PPP1R12A: variants seen among roughly 807,000 people sequenced by gnomAD.
PPP1R12A encodes protein phosphatase 1 regulatory subunit 12A.
A neutral mutation model predicts 139.6 loss-of-function variants in PPP1R12A; 19 were observed. The ratio of observed to expected loss-of-function variants is 0.14; its 90% confidence interval spans 0.09 to 0.20. PPP1R12A has a LOEUF of 0.20. Ranked by LOEUF, PPP1R12A falls within the 10% of genes least tolerant of loss-of-function variation. PPP1R12A has a pLI of 1.00. For missense variants in PPP1R12A, 925 were observed against 1,211.5 expected, an observed-to-expected ratio of 0.76 and a Z score of 3.51; for synonymous variants, 427 against 420.6, an observed-to-expected ratio of 1.02 and a Z score of -0.19.
chr12:79,812,830 G>A (rs559251985), intron 9 of PPP1R12A, among the ~76,000 whole-genome samples: 2 of 152,110 alleles, frequency 1.3e-5, no homozygotes, highest in Non-Finnish European at 2.9e-5. Context: ...AATCTCCTAT[G>A]TTTCAAACTT....
intron 1 of PPP1R12A, 23 bp from the exon 2 acceptor site, chr12:79,872,961 G>C: frequency 6.2e-7 from 1 of 1,602,240 alleles, no homozygotes. Flanking sequence ...CAGAAAGCAA[G>C]ATTGGAAAAA....
chr12:79,915,404 A>G (rs1217556105), intron 1 of PPP1R12A, among the ~76,000 whole-genome samples: 1 of 152,094 alleles, frequency 6.6e-6, no homozygotes, highest in East Asian at 1.9e-4. Flanking sequence ...AAATCTAAAA[A>G]CCTAGACACA....
At chr12:79,868,968 A>G (rs1882280977) in intron 2 of PPP1R12A, among the ~76,000 whole-genome samples, 1 of 152,242 alleles carries the variant, frequency 6.6e-6, no homozygotes, top group Non-Finnish European at 1.5e-5. Flanking sequence ...TAAGAATGAA[A>G]AAGTCAAGGC....
At chr12:79,801,945 TACTTTG>T (rs1277190870) in intron 14 of PPP1R12A, among the ~76,000 whole-genome samples, 1 of 152,232 alleles carries the variant, frequency 6.6e-6, no homozygotes, top group Non-Finnish European at 1.5e-5. Flanking sequence ...ATCACTATTA[TACTTTG>T]ACTTTAATTT....
At chr12:79,885,062 T>C (rs1883981864) in intron 1 of PPP1R12A, among the ~76,000 whole-genome samples, 1 of 152,150 alleles carries the variant, frequency 6.6e-6, no homozygotes, top group East Asian at 1.9e-4. Flanking sequence ...TTGAGTAAAC[T>C]TGCCATCACA....
intron 15 of PPP1R12A, 101 bp downstream of exon 15, chr12:79,798,393 A>G: frequency 2.8e-6 from 2 of 721,272 alleles, no homozygotes; most frequent in Non-Finnish European, 4.3e-6. Flanking sequence ...TTTTCACAAC[A>G]AAGTGAAAAA....
chr12:79,826,595 A>G (rs1876804825), intron 5 of PPP1R12A, among the ~76,000 whole-genome samples: 1 of 152,180 alleles, frequency 6.6e-6, no homozygotes, highest in South Asian at 2.1e-4. Flanking sequence ...AGGAGCTGCT[A>G]CTATAGTAAT....
rs767849266 is a variant in PPP1R12A at position 79,797,407 on chromosome 12, A to G, written c.2092-12T>C. On this transcript the variant is annotated splice_polypyrimidine_tract_variant and intron_variant, in intron 15 of 24. Transcript: ENST00000450142. ...GTTAATGTCACTCCCTGCACACACA[A>G]AAAGATCAATATAATTATGAGATGC... 6.4e-7 allele frequency: 1 copy of G among 1,567,922 alleles called. No homozygotes were observed. Among genetic ancestry groups the G allele is most frequent in the South Asian group, 1.2e-5 (1 of 81,950 alleles).
intron 1 of PPP1R12A, among the ~76,000 whole-genome samples, chr12:79,919,320 G>T (rs1887249652): frequency 1.3e-5 from 2 of 151,970 alleles, no homozygotes; most frequent in Non-Finnish European, 2.9e-5. Flanking sequence ...ACTTTGGGAA[G>T]CTGAGGCGGG....
At chr12:79,823,029 C>G (rs1876317701) in intron 5 of PPP1R12A, among the ~76,000 whole-genome samples, 1 of 152,020 alleles carries the variant, frequency 6.6e-6, no homozygotes. Flanking sequence ...TATGTTTAAG[C>G]TGTTTAACAT....
chr12:79,857,004 A>G (rs1490928355), intron 2 of PPP1R12A, among the ~76,000 whole-genome samples: 2 of 152,276 alleles, frequency 1.3e-5, no homozygotes, highest in African/African-American at 4.8e-5. Context: ...TTTGTGAATG[A>G]CATGACTTTC....
intron 1 of PPP1R12A, among the ~76,000 whole-genome samples, chr12:79,887,239 T>A (rs1884188989): frequency 6.6e-6 from 1 of 152,176 alleles, no homozygotes; most frequent in South Asian, 2.1e-4. Flanking sequence ...TGTGTATGTA[T>A]ACATAAAACT....
chr12:79,934,820 A>C lies in PPP1R12A; in HGVS notation c.112T>G (p.Phe38Val). Reference sequence around the variant, plus strand: ...GCCAGGAAGACGGCGCCATCGTCGAACTTCACCTTGGTCTTCTGGCGCTTC... The same window carrying C: ...GCCAGGAAGACGGCGCCATCGTCGACCTTCACCTTGGTCTTCTGGCGCTTC... ...VVKRQKTKVK[F>V]DDGAVFLAAC... Residue 38 changes from phenylalanine to valine, a missense_variant, in exon 1 of 25, where the codon TTC becomes GTC. Physicochemically the swap from Phe to Val is conservative, Grantham distance 50 (BLOSUM62 -1). Coordinates refer to ENST00000450142, the MANE Select transcript of PPP1R12A (RefSeq NM_002480.3). The C allele has an allele frequency of 6.2e-7, 1 of 1,607,466 alleles. No individual in the cohort carries two copies. The highest frequency in any genetic ancestry group is 8.5e-7 in the Non-Finnish European group (1 of 1,177,232).
At position 79,924,723 on chromosome 12, in the gene PPP1R12A, C is replaced by T. The variant is rs945067749; in HGVS notation, c.237+9972G>A. On this transcript the variant is annotated intron_variant, in intron 1 of 24. Coordinates refer to ENST00000450142, the MANE Select transcript of PPP1R12A (RefSeq NM_002480.3). ...GGATTACAGGCATGAGCTACTGTGC[C>T]AGGCAGCACCGAAATCTTTTGCAGA... Among the ~76,000 whole-genome samples the T allele has an allele frequency of 9.2e-5, 14 of 152,208 alleles. 1 individual carries two copies. The highest frequency in any genetic ancestry group is 9.2e-4 in the Admixed American group (14 of 15,284).
In PPP1R12A at chr12:79,935,080, A is replaced by G. The variant is rs1044618405; in HGVS notation, c.-149T>C. 2.1e-6 allele frequency: 3 copies of G among 1,405,270 alleles called. No individual in the cohort carries two copies. The highest frequency in any genetic ancestry group is 2.8e-6 in the Non-Finnish European group (3 of 1,082,364). The allele number at this position is 1,405,270 out of a possible 1,614,324, so 87.1% of individuals were successfully genotyped here. A position where few individuals can be genotyped will look rare whatever the true frequency, so the allele number is the denominator to read the frequency against. On this transcript the variant is annotated 5_prime_UTR_variant, in exon 1 of 25. Coordinates refer to ENST00000450142, the MANE Select transcript of PPP1R12A (RefSeq NM_002480.3). ...CCCGGAGCCGACGCTCGAGACTTCC[A>G]GTATCCCACAGAGCACTGGGGCGGC...
intron 2 of PPP1R12A, among the ~76,000 whole-genome samples, chr12:79,864,290 A>G (rs776517717): frequency 3.9e-5 from 6 of 152,226 alleles, no homozygotes; most frequent in Non-Finnish European, 7.3e-5. Flanking sequence ...TTTGAAACCA[A>G]TGAAAACAAA....
intron 1 of PPP1R12A, among the ~76,000 whole-genome samples, chr12:79,905,343 C>CCT (rs1241058539): frequency 2.9e-5 from 3 of 105,036 alleles, no homozygotes; most frequent in South Asian, 7.3e-4. Flanking sequence ...TTTGCCGCCC[C>CCT]CCCCCACCCC....
At chr12:79,797,005 T>G in intron 16 of PPP1R12A, 55 bp from the exon 17 acceptor site, 5 of 1,496,578 alleles carry the variant, frequency 3.3e-6, no homozygotes, top group Non-Finnish European at 4.5e-6. Context: ...ATTAAAAACA[T>G]AAAAATACTT....
In PPP1R12A at chr12:79,889,921, A is replaced by C. The variant is rs1021950812; in HGVS notation, c.238-16983T>G. ...CAAGCAGCTCCCTTGGGCCTCTTTT[A>C]TAAGAGCACTAATTTCAATTTAAAA... is the stretch of plus-strand genomic sequence containing the variant. On this transcript the variant is annotated intron_variant, in intron 1 of 24. Transcript: ENST00000450142. Among the ~76,000 whole-genome samples the C allele has an allele frequency of 3.3e-5, 5 of 152,130 alleles. No individual in the cohort carries two copies. In the East Asian group the frequency reaches 9.6e-4, roughly 29 times the overall value.
Sources: allele counts gnomAD v4.1 joint callset (sites outside exome capture counted in the v4.1 genomes callset), GRCh38; gene constraint gnomAD v4.1.1; transcripts MANE v1.5; gene names NCBI Gene and HGNC (gene_info 2026-07-23, HGNC 2026-07-21).